Variants in NUP62CL observed in about 807,000 individuals in gnomAD.
The protein encoded by NUP62CL is nucleoporin-62 C-terminal-like protein.
NUP62CL carries 13 observed loss-of-function variants against 15.3 expected under a neutral mutation model. That is an observed-to-expected ratio of 0.85 (90% CI 0.55 to 1.35). NUP62CL has a LOEUF of 1.35. NUP62CL is among the 40% of genes most tolerant of loss of function. The pLI is 0.00. For synonymous variants in NUP62CL, 54 were observed against 49.2 expected (o/e 1.10, Z -0.41); for missense variants, 123 against 130.6 (o/e 0.94, Z 0.28).
At chrX:107,192,315 T>C (rs1212053934) in intron 2 of NUP62CL, among the ~76,000 whole-genome samples, 1 of 112,409 alleles carries the variant, frequency 8.9e-6, no homozygotes, top group Non-Finnish European at 1.9e-5. Context: ...TCAGTGTGCC[T>C]TGTGCCTCAA....
chrX:107,144,102 CA>C (rs1433194882), intron 8 of NUP62CL, among the ~76,000 whole-genome samples: 2 of 111,212 alleles, frequency 1.8e-5, no homozygotes, highest in Non-Finnish European at 3.8e-5. Context: ...GAATTTTTAG[CA>C]AAAAAGTAAC....
chrX:107,175,623 A>G (rs964824522), intron 2 of NUP62CL, among the ~76,000 whole-genome samples: 24 of 111,630 alleles, frequency 2.1e-4, no homozygotes, highest in African/African-American at 7.8e-4. Flanking sequence ...ATTCAAGAAA[A>G]TCTACTAAAA....
chrX:107,165,408 T>C lies in NUP62CL; in HGVS notation c.194+2241A>G, dbSNP rs748249255. 2.7e-5 allele frequency among the ~76,000 whole-genome samples: 3 copies of C among 111,414 alleles called. No individual in the cohort carries two copies. The East Asian group carries it at 8.4e-4, about 31-fold the overall frequency. On this transcript the variant is annotated intron_variant, in intron 4 of 8. Coordinates refer to ENST00000372466, the MANE Select transcript of NUP62CL (RefSeq NM_017681.3). ...GCTAGAGAATTCTGCCAACATTTTA[T>C]GAATTAACATTAATTTTACACTATT... is the stretch of plus-strand genomic sequence containing the variant.
chrX:107,167,243 C>T (rs1192642423), intron 4 of NUP62CL, among the ~76,000 whole-genome samples: 6 of 111,630 alleles, frequency 5.4e-5, no homozygotes, highest in South Asian at 3.7e-4. Flanking sequence ...AACAAGTATG[C>T]GACTATGAGC....
chrX:107,161,346 G>A (rs1295495790), intron 4 of NUP62CL, among the ~76,000 whole-genome samples: 7 of 98,384 alleles, frequency 7.1e-5, no homozygotes, highest in African/African-American at 1.5e-4. Flanking sequence ...TGTTTATTGC[G>A]GCATTATTCA....
chrX:107,165,675 G>A (rs773977957), intron 4 of NUP62CL, among the ~76,000 whole-genome samples: 2 of 111,826 alleles, frequency 1.8e-5, no homozygotes, highest in South Asian at 7.5e-4. Flanking sequence ...TTGAACATCT[G>A]AAAATCAATC....
At chrX:107,151,750 G>C (rs759576686) in intron 7 of NUP62CL, among the ~76,000 whole-genome samples, 67 of 108,661 alleles carry the variant, frequency 6.2e-4, no homozygotes, top group African/African-American at 2.0e-3. Flanking sequence ...ACAAATCTGG[G>C]CCGGGCGCGG....
chrX:107,124,570 A>C lies in NUP62CL; in HGVS notation c.*43-238T>G, dbSNP rs1165321101. 5.5e-5 allele frequency among the ~76,000 whole-genome samples: 6 copies of C among 109,976 alleles called. No homozygotes were observed. The Admixed American group carries it at 5.8e-4, about 11-fold the overall frequency. On this transcript the variant is annotated intron_variant, in intron 8 of 8. Coordinates refer to ENST00000372466, the MANE Select transcript of NUP62CL (RefSeq NM_017681.3). ...CTAGCTTTCAGGCAAATAACTGTCT[A>C]GTTGACATTTATGTTTTGTTAGGAT...
At chrX:107,199,386 G>A (rs1367484407) in intron 1 of NUP62CL, among the ~76,000 whole-genome samples, 2 of 111,837 alleles carry the variant, frequency 1.8e-5, no homozygotes, top group East Asian at 5.6e-4. Context: ...ATCAGTTCAA[G>A]CCTGGGTACC....
intron 8 of NUP62CL, among the ~76,000 whole-genome samples, chrX:107,139,917 GT>G (rs1925726419): frequency 8.9e-6 from 1 of 111,736 alleles, no homozygotes; most frequent in African/African-American, 3.3e-5. Flanking sequence ...AAGATACCCA[GT>G]TTATTAAAAT....
intron 4 of NUP62CL, among the ~76,000 whole-genome samples, chrX:107,164,872 G>A (rs759022698): frequency 2.1e-4 from 24 of 112,789 alleles, no homozygotes; most frequent in African/African-American, 7.4e-4. Context: ...AGGCCCAGAC[G>A]GGAGGATCAC....
At chrX:107,168,366 T>C (rs1455763935) in intron 3 of NUP62CL, among the ~76,000 whole-genome samples, 1 of 111,586 alleles carries the variant, frequency 9.0e-6, no homozygotes, top group Non-Finnish European at 1.9e-5. Context: ...GCATGCATTT[T>C]TGCAAACCCT....
chrX:107,201,529 AT>A (rs1267331649), intron 1 of NUP62CL, among the ~76,000 whole-genome samples: 2 of 110,500 alleles, frequency 1.8e-5, no homozygotes, highest in Non-Finnish European at 3.8e-5. Context: ...CGGAATGGAG[AT>A]TTTTTTAAAA....
rs188368645 is a variant in NUP62CL, at chrX:107,141,367, A to G, written c.*42+6376T>C. Among the ~76,000 whole-genome samples, 296 of 112,436 alleles carry G rather than the reference A, an allele frequency of 2.6e-3. 2 individuals carry two copies. The highest frequency in any genetic ancestry group is 9.1e-3 in the African/African-American group (282 of 30,994). On this transcript the variant is annotated intron_variant, in intron 8 of 8. Coordinates refer to ENST00000372466, the MANE Select transcript of NUP62CL (RefSeq NM_017681.3). The stretch of plus-strand genomic sequence containing the variant: ...TGAGCAAGTGGCTAATAAACAGTGG[A>G]AAGACATAAAATACCTTTCAATTAA...
chrX:107,204,639 C>T (rs1004178657), intron 1 of NUP62CL, among the ~76,000 whole-genome samples: 1 of 108,579 alleles, frequency 9.2e-6, no homozygotes, highest in Non-Finnish European at 1.9e-5. Flanking sequence ...TCCCACTAGA[C>T]CACAGAACCA....
intron 3 of NUP62CL, among the ~76,000 whole-genome samples, chrX:107,171,235 G>A (rs958683901): frequency 2.7e-5 from 3 of 111,861 alleles, no homozygotes; most frequent in African/African-American, 9.8e-5. Flanking sequence ...ATCTGAATAA[G>A]TAAATACACT....
intron 7 of NUP62CL, among the ~76,000 whole-genome samples, chrX:107,152,049 G>GAT (rs778670339): frequency 0.085 from 3,481 of 41,058 alleles, 262 homozygotes; most frequent in South Asian, 0.21. Flanking sequence ...TATATATTCA[G>GAT]ATATATATAT....
At position 107,154,186 on chromosome X, in the gene NUP62CL, G is replaced by GT. The variant is rs1569357678; in HGVS notation, c.254dup (p.Asn85LysfsTer3). 8.3e-7 allele frequency: 1 copy of GT among 1,205,380 alleles called. No homozygotes were observed. The highest frequency in any genetic ancestry group is 2.2e-5 in the Admixed American group (1 of 45,929). On this transcript the variant is annotated frameshift_variant, in exon 5 of 9. Transcript: ENST00000372466. LOFTEE classifies it high-confidence loss of function. ...ACTTCTCTTGATCTTCCAGCTCAAG[G>GT]TTCCACTCATTTATAAGACCCTCCA...
At chrX:107,152,476 C>A (rs1259836288) in intron 7 of NUP62CL, among the ~76,000 whole-genome samples, 1 of 110,465 alleles carries the variant, frequency 9.1e-6, no homozygotes, top group African/African-American at 3.3e-5. Context: ...AGTCTTAACT[C>A]ATAATAAGTC....
Sources: gnomAD v4.1 joint callset for allele counts (sites outside exome capture counted in the v4.1 genomes callset) on GRCh38, gnomAD v4.1.1 for gene constraint, MANE v1.5 for transcripts, NCBI Gene and HGNC (gene_info 2026-07-23, HGNC 2026-07-21) for gene names.